Variants in PITPNM2 observed in about 807,000 individuals in gnomAD.
The protein encoded by PITPNM2 is membrane-associated phosphatidylinositol transfer protein 2.
A neutral mutation model predicts 132.2 loss-of-function variants in PITPNM2; 35 were observed. The observed-to-expected ratio is 0.26, with a 90% confidence interval of 0.20 to 0.35. PITPNM2 has a LOEUF of 0.35. PITPNM2 is among the 10% of genes least tolerant of loss of function. The pLI, the probability that PITPNM2 is intolerant of heterozygous loss-of-function variation, is 1.00. For synonymous variants in PITPNM2, 738 were observed against 799.2 expected, an observed-to-expected ratio of 0.92 and a Z score of 1.29; for missense variants, 1,332 against 1,912.0, an observed-to-expected ratio of 0.70 and a Z score of 5.66.
At position 123,106,948 on chromosome 12, in the gene PITPNM2, G is replaced by A. The variant is rs939733650; in HGVS notation, c.-96+3437C>T. Among the ~76,000 whole-genome samples the A allele has an allele frequency of 2.0e-5, 3 of 152,234 alleles. No individual in the cohort carries two copies. The highest frequency in any genetic ancestry group is 7.2e-5 in the African/African-American group (3 of 41,458). On this transcript the variant is annotated intron_variant, in intron 2 of 25. Transcript: ENST00000320201. The surrounding 1 kb of genome is among the most constrained non-coding windows in gnomAD (Gnocchi z 4.4). The stretch of plus-strand genomic sequence containing the variant: ...CTGAGAGGAGGGACTAGGAAGCAAG[G>A]CCCTCGCTGCAGGTAGGGCTCTGCT...
chr12:123,067,409 T>C (rs1193219144), intron 2 of PITPNM2, among the ~76,000 whole-genome samples: 1 of 150,554 alleles, frequency 6.6e-6, no homozygotes, highest in Non-Finnish European at 1.5e-5. Flanking sequence ...TGAGCCAAGA[T>C]TGTGCCACTG....
intron 1 of PITPNM2, among the ~76,000 whole-genome samples, chr12:123,149,305 T>C (rs2043680959): frequency 6.6e-6 from 1 of 152,190 alleles, no homozygotes; most frequent in African/African-American, 2.4e-5. Flanking sequence ...TGCCTGGCCA[T>C]CTTCAGGGCA....
chr12:123,084,299 C>G (rs1007616014), intron 2 of PITPNM2: 3 of 152,260 alleles, frequency 2.0e-5, no homozygotes, highest in Non-Finnish European at 1.5e-5. Flanking sequence ...TTTGCATCTT[C>G]GGTTATTTTT....
Position 123,034,362 on chromosome 12 carries a change from G to A in PITPNM2, c.78+151C>T. The A allele has an allele frequency of 5.7e-6, 4 of 695,876 alleles. No homozygotes were observed. In the South Asian group the frequency reaches 7.4e-5, roughly 13 times the overall value. 43.1% of individuals were successfully genotyped at this position (695,876 alleles called of 1,614,324 possible). A position where few individuals can be genotyped will look rare whatever the true frequency, so the allele number is the denominator to read the frequency against. ...TGTGCGCCTGGCATCGTGCCTAGAG[G>A]CCAGGGGTCCAGCACAATTCACACT... On this transcript the variant is annotated intron_variant, in intron 3 of 25. Transcript: ENST00000320201.
chr12:123,067,491 A>G (rs1315974583), intron 2 of PITPNM2, among the ~76,000 whole-genome samples: 1 of 150,930 alleles, frequency 6.6e-6, no homozygotes, highest in East Asian at 1.9e-4. Flanking sequence ...ACACACACAC[A>G]CACACACGCA....
rs950542296 is a variant in PITPNM2 at position 123,150,647 on chromosome 12, C to A, written c.-200+106G>T. 1.9e-4 allele frequency among the ~76,000 whole-genome samples: 28 copies of A among 150,728 alleles called. No individual in the cohort carries two copies. The highest frequency in any genetic ancestry group is 6.8e-4 in the African/African-American group (28 of 41,194). On this transcript the variant is annotated intron_variant, in intron 1 of 25. Coordinates refer to ENST00000320201, the MANE Select transcript of PITPNM2 (RefSeq NM_020845.3). The surrounding 1 kb of genome is among the most constrained non-coding windows in gnomAD (Gnocchi z 6.0). ...CTGGAGGCTCGGCGGGCGGGCGGGC[C>A]GGGGCCTCTCTGGGAGCCGCCGCCC...
At chr12:123,017,064 A>C (rs1048666622) in intron 3 of PITPNM2, among the ~76,000 whole-genome samples, 3 of 146,952 alleles carry the variant, frequency 2.0e-5, no homozygotes, top group Non-Finnish European at 4.5e-5. Flanking sequence ...AAAAAGAAAA[A>C]AAAAGAAAAG....
chr12:123,019,346 C>T (rs2039575569), intron 3 of PITPNM2, among the ~76,000 whole-genome samples: 1 of 152,216 alleles, frequency 6.6e-6, no homozygotes, highest in African/African-American at 2.4e-5. Context: ...GCAAGACCAT[C>T]AGGGTAGACA....
At chr12:122,988,212 T>C in intron 20 of PITPNM2, 22 bp downstream of exon 20, 1 of 1,603,730 alleles carries the variant, frequency 6.2e-7, no homozygotes, top group Non-Finnish European at 8.5e-7. Context: ...CGTGGGGGCC[T>C]GGGCGCCCGG....
At chr12:123,054,260 G>A (rs2040950817) in intron 2 of PITPNM2, among the ~76,000 whole-genome samples, 1 of 152,030 alleles carries the variant, frequency 6.6e-6, no homozygotes, top group Non-Finnish European at 1.5e-5. Flanking sequence ...GTACAATCTT[G>A]GCTATTGTTT....
intron 1 of PITPNM2, among the ~76,000 whole-genome samples, chr12:123,146,124 GA>G (rs1448509885): frequency 2.6e-5 from 4 of 152,126 alleles, no homozygotes; most frequent in Admixed American, 6.6e-5. Flanking sequence ...CGGACACATA[GA>G]GGGGGGTAAC....
chr12:123,056,646 T>C (rs2041038023), intron 2 of PITPNM2, among the ~76,000 whole-genome samples: 1 of 151,932 alleles, frequency 6.6e-6, no homozygotes, highest in African/African-American at 2.4e-5. Context: ...CAAGCCCTCC[T>C]GGGTTGACAA....
chr12:122,996,585 G>T lies in PITPNM2; in HGVS notation c.1663-8C>A. ...GTCCCCAATCAGGCAGACCTTGGGA[G>T]AGAGGGGCCAGAGGCCTGAGCCATT... On this transcript the variant is annotated splice_region_variant and splice_polypyrimidine_tract_variant and intron_variant, in intron 12 of 25. Transcript: ENST00000320201. 2 of 1,613,090 alleles carry T rather than the reference G, an allele frequency of 1.2e-6. No individual in the cohort carries two copies. The highest frequency in any genetic ancestry group is 1.1e-5 in the South Asian group (1 of 91,080).
intron 2 of PITPNM2, among the ~76,000 whole-genome samples, chr12:123,039,320 A>G (rs765774497): frequency 3.3e-5 from 5 of 152,198 alleles, no homozygotes; most frequent in African/African-American, 2.4e-5. Context: ...TTGAAATCCA[A>G]CTAACCAAAA....
intron 25 of PITPNM2, 34 bp downstream of exon 25, chr12:122,986,402 C>A (rs570815644): frequency 6.4e-7 from 1 of 1,563,690 alleles, no homozygotes; most frequent in East Asian, 2.4e-5. Context: ...CCGAGCTGCC[C>A]GCCTGCACCC....
At chr12:123,115,647 C>T (rs1249821645) in intron 1 of PITPNM2, among the ~76,000 whole-genome samples, 1 of 152,112 alleles carries the variant, frequency 6.6e-6, no homozygotes, top group Admixed American at 6.6e-5. Flanking sequence ...TATGTAAAAT[C>T]CCAAGCCCAC....
chr12:123,043,376 C>A (rs2040556101), intron 2 of PITPNM2, among the ~76,000 whole-genome samples: 1 of 152,176 alleles, frequency 6.6e-6, no homozygotes. Context: ...CAGGAGGACA[C>A]AGCTCCTACC....
intron 18 of PITPNM2, among the ~76,000 whole-genome samples, 195 bp downstream of exon 18, chr12:122,989,592 G>A (rs1446876404): frequency 6.6e-6 from 1 of 152,106 alleles, no homozygotes; most frequent in Non-Finnish European, 1.5e-5. Context: ...CTCCAGCTCC[G>A]TGGGGTCCCT....
At chr12:123,043,219 G>C (rs760036757) in intron 2 of PITPNM2, among the ~76,000 whole-genome samples, 2 of 152,046 alleles carry the variant, frequency 1.3e-5, no homozygotes, top group Non-Finnish European at 2.9e-5. Context: ...GAGCTGGGTT[G>C]GGAACCAGGA....
Sources: allele counts gnomAD v4.1 joint callset (sites outside exome capture counted in the v4.1 genomes callset), GRCh38; gene constraint gnomAD v4.1.1; non-coding constraint Gnocchi (gnomAD v3.1); transcripts MANE v1.5; gene names NCBI Gene and HGNC (gene_info 2026-07-23, HGNC 2026-07-21).